Variants in KCNIP1 observed in about 807,000 individuals in gnomAD.
The protein encoded by KCNIP1 is A-type potassium channel modulatory protein KCNIP1.
KCNIP1 carries 18 observed loss-of-function variants against 33.0 expected under a neutral mutation model. The observed-to-expected ratio is 0.55, with a 90% confidence interval of 0.38 to 0.81. The LOEUF is 0.81. Among genes scored for constraint, KCNIP1 ranks in the 30% least tolerant of loss-of-function variants. The probability of loss-of-function intolerance (pLI) is 0.00; values close to 1 mark genes in which losing one functional copy is unlikely to be tolerated. For missense variants in KCNIP1, 238 were observed against 271.6 expected (o/e 0.88, Z 0.87); for synonymous variants, 93 against 98.3 (o/e 0.95, Z 0.32).
intron 1 of KCNIP1, among the ~76,000 whole-genome samples, chr5:170,486,906 C>T (rs1757105033): frequency 6.6e-6 from 1 of 152,166 alleles, no homozygotes; most frequent in African/African-American, 2.4e-5. Flanking sequence ...TATTTAATCC[C>T]TCATTAATGA....
At chr5:170,639,770 C>T (rs1374118545) in intron 1 of KCNIP1, among the ~76,000 whole-genome samples, 1 of 152,172 alleles carries the variant, frequency 6.6e-6, no homozygotes, top group Non-Finnish European at 1.5e-5. Flanking sequence ...TAGCACTGCT[C>T]ACAGGTCAGA....
At chr5:170,629,701 C>A (rs1759980126) in intron 1 of KCNIP1, among the ~76,000 whole-genome samples, 1 of 152,178 alleles carries the variant, frequency 6.6e-6, no homozygotes, top group African/African-American at 2.4e-5. Context: ...CCTCTCTGGG[C>A]CACCTTCACC....
chr5:170,706,647 T>C (rs994781304), intron 1 of KCNIP1, among the ~76,000 whole-genome samples: 1 of 152,192 alleles, frequency 6.6e-6, no homozygotes, highest in Non-Finnish European at 1.5e-5. Flanking sequence ...CCCAGTGAGT[T>C]TCCATCAGTG....
At chr5:170,539,353 G>C (rs1439575963) in intron 1 of KCNIP1, among the ~76,000 whole-genome samples, 6 of 152,116 alleles carry the variant, frequency 3.9e-5, no homozygotes, top group Non-Finnish European at 1.5e-5. Flanking sequence ...CAGACTTCAA[G>C]GCCGCACCTG....
At chr5:170,607,063 G>T (rs1327702231) in intron 1 of KCNIP1, among the ~76,000 whole-genome samples, 1 of 152,212 alleles carries the variant, frequency 6.6e-6, no homozygotes, top group Non-Finnish European at 1.5e-5. Flanking sequence ...CTCCTGTTGA[G>T]GCTAGAGGAA....
intron 1 of KCNIP1, among the ~76,000 whole-genome samples, chr5:170,537,123 G>A (rs1756018818): frequency 6.6e-6 from 1 of 152,148 alleles, no homozygotes; most frequent in African/African-American, 2.4e-5. Context: ...GGCTCAGAGA[G>A]GTAGCAGCTC....
At position 170,733,776 on chromosome 5, in the gene KCNIP1, A is replaced by T. The variant is rs188473307; in HGVS notation, c.541-60A>T. On this transcript the variant is annotated intron_variant, in intron 6 of 7. Transcript: ENST00000328939. ...CTGAGCTCCAGCAAGAAAGCAGGGG[A>T]GTAAGCTTTGGAATGGAGATCACCA... 45 of 1,349,360 alleles carry T rather than the reference A, an allele frequency of 3.3e-5. No individual in the cohort carries two copies. The Middle Eastern group carries it at 1.1e-3, about 32-fold the overall frequency. 83.6% of individuals were successfully genotyped at this position (1,349,360 alleles called of 1,614,324 possible).
intron 1 of KCNIP1, among the ~76,000 whole-genome samples, chr5:170,613,571 G>T (rs1581398701): frequency 6.6e-6 from 1 of 152,152 alleles, no homozygotes; most frequent in Non-Finnish European, 1.5e-5. Flanking sequence ...AGATGGGAGG[G>T]AGAGAAATAG....
chr5:170,708,459 C>T (rs959702401), intron 1 of KCNIP1, among the ~76,000 whole-genome samples: 1 of 152,222 alleles, frequency 6.6e-6, no homozygotes, highest in Non-Finnish European at 1.5e-5. Flanking sequence ...ATTTGCAGCT[C>T]AAGTATGTCA....
At chr5:170,383,790 C>T in intron 1 of KCNIP1, 2 of 1,614,110 alleles carry the variant, frequency 1.2e-6, no homozygotes, top group South Asian at 1.1e-5. Flanking sequence ...TGCCCTTCAG[C>T]TCCTCCTGGT....
intron 1 of KCNIP1, among the ~76,000 whole-genome samples, chr5:170,658,186 G>A (rs1255349040): frequency 6.6e-6 from 1 of 152,190 alleles, no homozygotes; most frequent in Admixed American, 6.5e-5. Context: ...CTGTTGCTTA[G>A]AACACTGAAA....
In KCNIP1 at chr5:170,658,635, G is replaced by A. The variant is rs75064809; in HGVS notation, c.62-60123G>A. ...TGTGTACAAACCTGCCCTTCCTGCC[G>A]GTGGTGGGCAGCTGAGGAAGGGTCT... On this transcript the variant is annotated intron_variant, in intron 1 of 7. Transcript: ENST00000328939. 3.3e-3 allele frequency among the ~76,000 whole-genome samples: 495 copies of A among 152,252 alleles called. 3 individuals carry two copies. The highest frequency in any genetic ancestry group is 4.6e-3 in the Non-Finnish European group (314 of 68,024).
At chr5:170,628,855 G>T (rs924782960) in intron 1 of KCNIP1, among the ~76,000 whole-genome samples, 5 of 152,178 alleles carry the variant, frequency 3.3e-5, no homozygotes, top group Non-Finnish European at 7.3e-5. Context: ...TGCAGCTTTG[G>T]CCCCCAGCCC....
chr5:170,588,668 A>C (rs959037058), intron 1 of KCNIP1, among the ~76,000 whole-genome samples: 5 of 152,242 alleles, frequency 3.3e-5, no homozygotes, highest in Non-Finnish European at 5.9e-5. Flanking sequence ...AGGGAAGAAA[A>C]TATAAGATAT....
At position 170,649,068 on chromosome 5, in the gene KCNIP1, T is replaced by C. The variant is rs116196177; in HGVS notation, c.62-69690T>C. ...ACACATTACTGATGGAAAAGAAAAT[T>C]GGTATACCTACTTTGTAAATAGTTT... On this transcript the variant is annotated intron_variant, in intron 1 of 7. Transcript: ENST00000328939. Among the ~76,000 whole-genome samples, 1,494 of 152,268 alleles carry C rather than the reference T, an allele frequency of 9.8e-3. 31 individuals are homozygous for C. Among genetic ancestry groups the C allele is most frequent in the African/African-American group, 0.033 (1,366 of 41,560 alleles).
intron 1 of KCNIP1, among the ~76,000 whole-genome samples, chr5:170,699,122 C>T (rs1051743371): frequency 2.0e-5 from 3 of 152,108 alleles, no homozygotes; most frequent in Admixed American, 6.5e-5. Context: ...TCTTCATATA[C>T]AAAATTTGTA....
chr5:170,404,368 T>A (rs1581159564), intron 1 of KCNIP1, among the ~76,000 whole-genome samples: 1 of 152,178 alleles, frequency 6.6e-6, no homozygotes, highest in South Asian at 2.1e-4. Context: ...CATAGGCTGT[T>A]GTATTGGTTA....
intron 1 of KCNIP1, among the ~76,000 whole-genome samples, chr5:170,517,671 G>A (rs934364264): frequency 4.6e-5 from 7 of 151,950 alleles, no homozygotes; most frequent in African/African-American, 1.7e-4. Flanking sequence ...GGTGGTGGTG[G>A]TGATGATAGT....
Position 170,390,517 on chromosome 5 carries a change from A to AAAAAAAAAAAAAATATATATAT in KCNIP1, c.88+36554_88+36555insAAAAAAAAAAAATATATATATA. 1.0e-3 allele frequency among the ~76,000 whole-genome samples: 76 copies of AAAAAAAAAAAAAATATATATAT among 74,480 alleles called. 5 individuals carry two copies. The highest frequency in any genetic ancestry group is 1.2e-3 in the Non-Finnish European group (49 of 40,174). The allele number at this position is 74,480 out of a possible 152,430, so 48.9% of individuals were successfully genotyped here. A position where few individuals can be genotyped will look rare whatever the true frequency, so the allele number is the denominator to read the frequency against. ...GACCCCGTCTCAAAAAAAAAAAACA[A>AAAAAAAAAAAAAATATATATAT]ATATATATATATATATATATATTTT... is the stretch of plus-strand genomic sequence containing the variant. On this transcript the variant is annotated intron_variant, in intron 1 of 7. Coordinates refer to the KCNIP1 transcript ENST00000377360.
Sources: allele counts gnomAD v4.1 joint callset (sites outside exome capture counted in the v4.1 genomes callset), GRCh38; gene constraint gnomAD v4.1.1; transcripts MANE v1.5; gene names NCBI Gene and HGNC (gene_info 2026-07-23, HGNC 2026-07-21).